NPNT: variants seen among roughly 807,000 people sequenced by gnomAD.
NPNT encodes the protein preosteoblast EGF-like repeat protein with MAM domain.
In NPNT, 45 loss-of-function variants were observed where a neutral mutation model predicts 68.6. The ratio of observed to expected loss-of-function variants is 0.66; its 90% CI spans 0.52 to 0.84. NPNT has a LOEUF of 0.84. NPNT is among the 40% of genes least tolerant of loss of function. The probability of loss-of-function intolerance (pLI) is 0.00; values close to 1 mark genes in which losing one functional copy is unlikely to be tolerated. For missense variants in NPNT, 672 were observed against 714.8 expected (o/e 0.94, Z 0.68); for synonymous variants, 233 against 253.3 (o/e 0.92, Z 0.76).
In NPNT at chr4:105,940,635, G is replaced by A. The variant is rs1729871927; in HGVS notation, c.762G>A (p.Val254=). 1 of 1,612,940 alleles carries A rather than the reference G, an allele frequency of 6.2e-7. No individual in the cohort carries two copies. Among genetic ancestry groups the A allele is most frequent in the Admixed American group, 1.7e-5 (1 of 59,940 alleles). Residue 254 remains valine (V), a splice_region_variant and synonymous_variant, in exon 7 of 12, where the codon GTG becomes GTA. Coordinates refer to ENST00000379987, the MANE Select transcript of NPNT (RefSeq NM_001033047.3). ...ACCAGGGTGATGGACTGACTTGTGTGTGTGAGTAGCACTTGTCTCTCAGCT... is the reference window on the plus strand; with the variant it reads ...ACCAGGGTGATGGACTGACTTGTGTATGTGAGTAGCACTTGTCTCTCAGCT... ...EGYQGDGLTC[V]YIPKVMIEPS... is the part of the protein sequence containing the mutation.
chr4:105,930,500 C>G (rs542611562), intron 3 of NPNT, among the ~76,000 whole-genome samples: 1 of 152,258 alleles, frequency 6.6e-6, no homozygotes, highest in South Asian at 2.1e-4. Context: ...TTGATAGTGC[C>G]TACATAGCAG....
chr4:105,934,520 G>A (rs1729364479), intron 3 of NPNT, among the ~76,000 whole-genome samples: 2 of 152,186 alleles, frequency 1.3e-5, no homozygotes, highest in South Asian at 4.1e-4. Context: ...GAAGTTTTTA[G>A]GAGACACCTG....
chr4:105,936,036 A>G (rs988570255), intron 3 of NPNT, among the ~76,000 whole-genome samples: 5 of 152,190 alleles, frequency 3.3e-5, no homozygotes, highest in African/African-American at 9.7e-5. Flanking sequence ...TTTTTAATGA[A>G]GCATATATTT....
intron 2 of NPNT, among the ~76,000 whole-genome samples, chr4:105,905,147 G>A (rs1726781414): frequency 6.6e-6 from 1 of 151,632 alleles, no homozygotes; most frequent in Non-Finnish European, 1.5e-5. Context: ...ACCATTTTGG[G>A]GACACCGTTT....
At position 105,952,730 on chromosome 4, in the gene NPNT, C is replaced by A. The variant is rs538339711; in HGVS notation, c.1160-5741C>A. On this transcript the variant is annotated intron_variant, in intron 8 of 11. Coordinates refer to ENST00000379987, the MANE Select transcript of NPNT (RefSeq NM_001033047.3). ...CTTCCATTCTTTCTTTAAATAGATT[C>A]TTTTGGCTTGAGTGCATTTACACCT... 5.3e-5 allele frequency among the ~76,000 whole-genome samples: 8 copies of A among 152,276 alleles called. No homozygotes were observed. In the South Asian group the frequency reaches 1.2e-3, roughly 24 times the overall value.
At chr4:105,939,567 T>C (rs1419246116) in intron 5 of NPNT, among the ~76,000 whole-genome samples, 2 of 152,192 alleles carry the variant, frequency 1.3e-5, no homozygotes, top group Non-Finnish European at 2.9e-5. Flanking sequence ...TATGTTTTAA[T>C]GGAATCATTT....
intron 2 of NPNT, among the ~76,000 whole-genome samples, chr4:105,903,480 C>T (rs147870731): frequency 4.6e-5 from 7 of 152,296 alleles, no homozygotes; most frequent in Non-Finnish European, 1.0e-4. Context: ...ACACTCTTGC[C>T]GCTTTCCCAT....
chr4:105,962,594 A>G (rs1004796871), intron 10 of NPNT, among the ~76,000 whole-genome samples: 3 of 152,218 alleles, frequency 2.0e-5, no homozygotes, highest in African/African-American at 7.2e-5. Context: ...CCTCTAAACC[A>G]GCTCTGAGAG....
rs564358666 is a variant in NPNT, at chr4:105,905,591, C to T, written c.172+7590C>T. Among the ~76,000 whole-genome samples, 5 of 152,240 alleles carry T rather than the reference C, an allele frequency of 3.3e-5. 1 individual carries two copies. The South Asian group carries it at 1.0e-3, about 32-fold the overall frequency. ...CTCATTAGTTTATTTAAACCTGACTCATTCTTTTAAATGGCTATACAGTAT... is the reference window on the plus strand; with the variant it reads ...CTCATTAGTTTATTTAAACCTGACTTATTCTTTTAAATGGCTATACAGTAT... On this transcript the variant is annotated intron_variant, in intron 2 of 11. Transcript: ENST00000379987.
At chr4:105,951,787 A>G (rs997933899) in intron 8 of NPNT, among the ~76,000 whole-genome samples, 3 of 152,230 alleles carry the variant, frequency 2.0e-5, no homozygotes, top group Admixed American at 2.0e-4. Flanking sequence ...TCCAAAACGT[A>G]TAAATGGGCC....
At chr4:105,918,232 A>C (rs183963135) in intron 2 of NPNT, among the ~76,000 whole-genome samples, 45 of 152,352 alleles carry the variant, frequency 3.0e-4, no homozygotes, top group Non-Finnish European at 5.0e-4. Flanking sequence ...ATATTAGTCG[A>C]GGCCCAGTAA....
At chr4:105,926,379 G>A (rs1028696775) in intron 2 of NPNT, among the ~76,000 whole-genome samples, 7 of 152,116 alleles carry the variant, frequency 4.6e-5, no homozygotes, top group Admixed American at 1.3e-4. Flanking sequence ...ACAGAACAAG[G>A]TTTCCGAGTC....
intron 2 of NPNT, among the ~76,000 whole-genome samples, chr4:105,920,407 A>AAAAAAAAAACAAAAAAAAAAAAAAAC (rs1728170332): frequency 6.6e-6 from 1 of 151,184 alleles, no homozygotes; most frequent in African/African-American, 2.4e-5. Flanking sequence ...AAAAAAAAAA[A>AAAAAAAAAACAAAAAAAAAAAAAAAC]AAAAAAAAAA....
chr4:105,897,458 T>C (rs1578560937), intron 1 of NPNT, among the ~76,000 whole-genome samples: 1 of 152,328 alleles, frequency 6.6e-6, no homozygotes, highest in Non-Finnish European at 1.5e-5. Context: ...GAGGCAGAAA[T>C]TTTTTCTGCT....
At position 105,940,215 on chromosome 4, in the gene NPNT, G is replaced by C; in HGVS notation, c.640+6G>C. On this transcript the variant is annotated splice_donor_region_variant and intron_variant, in intron 6 of 11. Coordinates refer to ENST00000379987, the MANE Select transcript of NPNT (RefSeq NM_001033047.3). ...AGGCAAATATCAATGTCATGGTAAT[G>C]AAACCCAACCATTGCTTTGTGTTGT... 1 of 1,612,756 alleles carries C rather than the reference G, an allele frequency of 6.2e-7. No individual in the cohort carries two copies. Among genetic ancestry groups the C allele is most frequent in the Non-Finnish European group, 8.5e-7 (1 of 1,179,210 alleles).
chr4:105,929,156 G>A (rs1728921234), intron 3 of NPNT, among the ~76,000 whole-genome samples: 3 of 151,542 alleles, frequency 2.0e-5, no homozygotes, highest in Admixed American at 6.6e-5. Context: ...CTGTGTCCGT[G>A]TGTTCTCATT....
chr4:105,927,516 A>G lies in NPNT; in HGVS notation c.265+88A>G, dbSNP rs138403954. 1.2e-3 allele frequency: 812 copies of G among 698,852 alleles called. 14 individuals carry two copies. The East Asian group carries it at 0.022, about 19-fold the overall frequency. 43.3% of individuals were successfully genotyped at this position (698,852 alleles called of 1,614,324 possible). On this transcript the variant is annotated intron_variant, in intron 3 of 11. Transcript: ENST00000379987. ...ATATTCTTATCTCAAACTACTTTCCATGGCTATTTTTCCAAAATATGTGAG... is the reference window on the plus strand; with the variant it reads ...ATATTCTTATCTCAAACTACTTTCCGTGGCTATTTTTCCAAAATATGTGAG...
chr4:105,928,943 C>T lies in NPNT; in HGVS notation c.265+1515C>T, dbSNP rs1728901449. Reference sequence around the variant, plus strand: ...GATTTATAGACACAGTTTTTTTTCACTATTTATTTTTATTTTTTTAATTTT... The same window carrying T: ...GATTTATAGACACAGTTTTTTTTCATTATTTATTTTTATTTTTTTAATTTT... On this transcript the variant is annotated intron_variant, in intron 3 of 11. Transcript: ENST00000379987. 2.7e-5 allele frequency among the ~76,000 whole-genome samples: 4 copies of T among 148,094 alleles called. 1 individual carries two copies. The South Asian group carries it at 8.6e-4, about 32-fold the overall frequency.
At chr4:105,907,859 T>G (rs901406153) in intron 2 of NPNT, among the ~76,000 whole-genome samples, 13 of 152,146 alleles carry the variant, frequency 8.5e-5, no homozygotes, top group Non-Finnish European at 5.9e-5. Flanking sequence ...AATTAAAGAA[T>G]TATGGCCATA....
Sources: gnomAD v4.1 joint callset for allele counts (sites outside exome capture counted in the v4.1 genomes callset) on GRCh38, gnomAD v4.1.1 for gene constraint, MANE v1.5 for transcripts, NCBI Gene and HGNC (gene_info 2026-07-23, HGNC 2026-07-21) for gene names.